The following BRD10 variants were observed in gnomAD, a reference collection of about 807,000 sequenced individuals.
BRD10 encodes the protein uncharacterized bromodomain-containing protein 10.
chr9:5,988,830 T>C, the BRD10 span, among the ~76,000 whole-genome samples: 2 of 152,202 alleles, frequency 1.3e-5, no homozygotes, highest in African/African-American at 2.4e-5. Context: ...ACAAAGTTTA[T>C]TGTTTGCAAT....
chr9:5,968,689 A>G, the BRD10 span: 1 of 1,613,880 alleles, frequency 6.2e-7, no homozygotes, highest in Non-Finnish European at 8.5e-7. Context: ...TAACATAGTC[A>G]CACTTCAATT....
the BRD10 span, among the ~76,000 whole-genome samples, chr9:5,937,770 T>G: frequency 6.6e-6 from 1 of 152,298 alleles, no homozygotes; most frequent in Middle Eastern, 3.4e-3. Flanking sequence ...CAAGCCAAAC[T>G]GCAGTAAGTA....
chr9:5,933,298 G>C, the BRD10 span, among the ~76,000 whole-genome samples: 1 of 152,216 alleles, frequency 6.6e-6, no homozygotes, highest in African/African-American at 2.4e-5. Flanking sequence ...TGCATTACAT[G>C]AATTTCATAA....
the BRD10 span, among the ~76,000 whole-genome samples, chr9:5,911,670 G>C: frequency 6.6e-6 from 1 of 151,838 alleles, no homozygotes; most frequent in African/African-American, 2.4e-5. Context: ...GAGTAACTGG[G>C]ATTACAGGTG....
the BRD10 span, among the ~76,000 whole-genome samples, chr9:5,966,442 A>G: frequency 1.4e-5 from 2 of 145,870 alleles, no homozygotes. Flanking sequence ...AATATTTTAG[A>G]GACTAACATT....
At chr9:5,949,577 GTTC>G in the BRD10 span, among the ~76,000 whole-genome samples, 2 of 152,282 alleles carry the variant, frequency 1.3e-5, no homozygotes, top group East Asian at 1.9e-4. Flanking sequence ...GGATTCTGGA[GTTC>G]TTCTGCAAAG....
chr9:5,968,894 T>C, the BRD10 span: 1 of 1,613,084 alleles, frequency 6.2e-7, no homozygotes, highest in Non-Finnish European at 8.5e-7. Context: ...AAGTACAGCA[T>C]CTTGAACTTC....
chr9:5,937,649 T>C, the BRD10 span, among the ~76,000 whole-genome samples: 6 of 152,248 alleles, frequency 3.9e-5, no homozygotes, highest in African/African-American at 1.2e-4. Context: ...AAATGGAATA[T>C]ACAGCATTAA....
At chr9:6,001,552 A>C in the BRD10 span, among the ~76,000 whole-genome samples, 1 of 152,208 alleles carries the variant, frequency 6.6e-6, no homozygotes, top group African/African-American at 2.4e-5. Flanking sequence ...CTAACTTTTA[A>C]TTATGTGTTT....
chr9:5,917,055 T>A, the BRD10 span, among the ~76,000 whole-genome samples: 34 of 152,186 alleles, frequency 2.2e-4, no homozygotes, highest in African/African-American at 7.7e-4. Flanking sequence ...AGACCTTAAA[T>A]AAGAGGTTAT....
the BRD10 span, among the ~76,000 whole-genome samples, chr9:5,903,421 G>GCAAA: frequency 1.3e-5 from 2 of 152,164 alleles, no homozygotes; most frequent in Non-Finnish European, 2.9e-5. Context: ...CTAATATGTT[G>GCAAA]TTGAGTTTTT....
the BRD10 span, among the ~76,000 whole-genome samples, chr9:5,989,580 A>C: frequency 2.0e-5 from 3 of 146,724 alleles, no homozygotes; most frequent in African/African-American, 5.0e-5. Context: ...TCTGTCACCC[A>C]GGCTGGGGTG....
chr9:5,904,868 G>A, the BRD10 span, among the ~76,000 whole-genome samples: 2 of 151,854 alleles, frequency 1.3e-5, no homozygotes, highest in African/African-American at 4.8e-5. Flanking sequence ...CTGCCTCCTG[G>A]GTTCATGCCA....
At chr9:5,931,905 T>G in the BRD10 span, among the ~76,000 whole-genome samples, 1 of 152,130 alleles carries the variant, frequency 6.6e-6, no homozygotes, top group Non-Finnish European at 1.5e-5. Flanking sequence ...GGATTGCTAT[T>G]TGAGGTAAGG....
At chr9:5,904,641 T>A in the BRD10 span, among the ~76,000 whole-genome samples, 1 of 152,064 alleles carries the variant, frequency 6.6e-6, no homozygotes, top group African/African-American at 2.4e-5. Context: ...CTCATCTAAT[T>A]TTTGTATTTT....
At chr9:5,895,626 G>C in the BRD10 span, among the ~76,000 whole-genome samples, 2 of 152,170 alleles carry the variant, frequency 1.3e-5, no homozygotes, top group African/African-American at 4.8e-5. Context: ...ACAGTTGGGT[G>C]GACACAAGTC....
chr9:5,914,333 T>C, the BRD10 span, among the ~76,000 whole-genome samples: 6 of 152,122 alleles, frequency 3.9e-5, no homozygotes, highest in East Asian at 1.2e-3. Flanking sequence ...TGTTTTTTCT[T>C]AGTTGATGGT....
the BRD10 span, chr9:5,968,291 C>T: frequency 6.2e-7 from 1 of 1,611,902 alleles, no homozygotes; most frequent in Non-Finnish European, 8.5e-7. Context: ...ATCACTGTGA[C>T]TTCCATTTAC....
the BRD10 span, chr9:6,008,136 C>T: frequency 1.0e-6 from 1 of 983,654 alleles, no homozygotes. Flanking sequence ...GTCGCCGCGG[C>T]CTCGGCGCCC....
Sources: gnomAD v4.1 joint callset for allele counts (sites outside exome capture counted in the v4.1 genomes callset) on GRCh38, gnomAD v4.1.1 for gene constraint, MANE v1.5 for transcripts, NCBI Gene and HGNC (gene_info 2026-07-23, HGNC 2026-07-21) for gene names.